The following CASZ1 variants were observed in gnomAD, a reference collection of about 807,000 sequenced individuals.
CASZ1 encodes castor zinc finger 1.
CASZ1 carries 28 observed loss-of-function variants against 135.2 expected under a neutral mutation model. The ratio of observed to expected loss-of-function variants is 0.21; its 90% CI spans 0.15 to 0.28. The LOEUF (loss-of-function observed/expected upper bound fraction) is 0.28, where lower values mean the gene tolerates loss of function less well. CASZ1 is among the 10% of genes least tolerant of loss of function. The pLI is 1.00. For missense variants in CASZ1, 2,161 were observed against 2,453.3 expected, an observed-to-expected ratio of 0.88 and a Z score of 2.52; for synonymous variants, 1,068 against 1,073.4, an observed-to-expected ratio of 0.99 and a Z score of 0.10.
Position 10,654,446 on chromosome 1 carries a change from C to A in CASZ1, c.1811G>T (p.Gly604Val). ...GCAGTGGAAGTGCGTGGTCTTCTGT[C>A]CGTAGAACTGGCAGTCGGCTGTGCC... is the stretch of plus-strand genomic sequence containing the variant. ...DCGTADCQFY[G>V]QKTTHFHCRR... Residue 604 changes from glycine to valine, a missense_variant, in exon 10 of 21, where the codon GGA becomes GTA. By Grantham distance (109) the Gly-to-Val change is moderately radical. Around this residue, in one of 7 missense-constraint regions of CASZ1, gnomAD observed 248 missense variants for 410.8 expected, o/e 0.60. Transcript: ENST00000377022. 6.2e-7 allele frequency: 1 copy of A among 1,614,168 alleles called. No individual in the cohort carries two copies. The highest frequency in any genetic ancestry group is 1.1e-5 in the South Asian group (1 of 91,080).
chr1:10,669,535 C>CCGTAGG (rs1643341020), intron 4 of CASZ1, among the ~76,000 whole-genome samples: 1 of 152,244 alleles, frequency 6.6e-6, no homozygotes, highest in Admixed American at 6.5e-5. Flanking sequence ...ATCACCCCCT[C>CCGTAGG]CGTAGGCGGG....
At chr1:10,662,688 A>G (rs1338399072) in intron 5 of CASZ1, among the ~76,000 whole-genome samples, 1 of 152,058 alleles carries the variant, frequency 6.6e-6, no homozygotes, top group African/African-American at 2.4e-5. Context: ...CTCACATAAA[A>G]CACACATACC....
chr1:10,786,446 G>A (rs773265275), intron 1 of CASZ1, among the ~76,000 whole-genome samples: 2 of 152,086 alleles, frequency 1.3e-5, no homozygotes, highest in Non-Finnish European at 2.9e-5. Flanking sequence ...CCTGCACTAG[G>A]GGCCCAGCTC....
chr1:10,654,569 G>T lies in CASZ1; in HGVS notation c.1688C>A (p.Thr563Lys). 6.2e-7 allele frequency: 1 copy of T among 1,614,208 alleles called. No individual in the cohort carries two copies. The highest frequency in any genetic ancestry group is 8.5e-7 in the Non-Finnish European group (1 of 1,180,016). ...CMQVGCNKVY[T>K]STSDVMTHEN... ...GTGGGTCATCACGTCAGACGTGCTCGTGTACACCTTGTTACAGCCCACCTG... is the reference window on the plus strand; with the variant it reads ...GTGGGTCATCACGTCAGACGTGCTCTTGTACACCTTGTTACAGCCCACCTG... The change falls in exon 10 of 21, where the codon ACG (threonine) becomes AAG (lysine). Residue 563 changes from threonine to lysine, a missense_variant. Transcript: ENST00000377022.
At chr1:10,733,110 A>G (rs906744924) in intron 2 of CASZ1, among the ~76,000 whole-genome samples, 1 of 152,162 alleles carries the variant, frequency 6.6e-6, no homozygotes, top group African/African-American at 2.4e-5. Flanking sequence ...AGGGGAAGAC[A>G]TTTGAAAACT....
At chr1:10,670,954 G>A (rs1643379346) in intron 4 of CASZ1, among the ~76,000 whole-genome samples, 1 of 152,206 alleles carries the variant, frequency 6.6e-6, no homozygotes, top group Admixed American at 6.5e-5. Context: ...GGGAGGAATG[G>A]TTGCTGCTCC....
Position 10,646,249 on chromosome 1 carries a change from A to G in CASZ1, c.3575T>C (p.Val1192Ala). Residue 1192 changes from valine (V) to alanine (A), a missense_variant, in exon 17 of 21, where the codon GTC (valine) becomes GCC (alanine). This residue lies in a region of CASZ1 where 349 missense variants were observed against 460.8 expected (regional missense o/e 0.76). Coordinates refer to ENST00000377022, the MANE Select transcript of CASZ1 (RefSeq NM_001079843.3). The surrounding 1 kb of genome is among the most constrained non-coding windows in gnomAD (Gnocchi z 6.4). ...TTCGGCCTTGCCAGACGTTTTGCAG[A>G]CGTACTTGCAGTTCCCAAAGAGACA... ...FHCLFGNCKYVCKTSGKAESH... is the reference protein window; with the variant it reads ...FHCLFGNCKYACKTSGKAESH... 1 of 1,614,140 alleles carries G rather than the reference A, an allele frequency of 6.2e-7. No individual in the cohort carries two copies. The highest frequency in any genetic ancestry group is 8.5e-7 in the Non-Finnish European group (1 of 1,180,024).
chr1:10,789,988 T>G (rs1292700), intron 1 of CASZ1, among the ~76,000 whole-genome samples: 99,485 of 151,846 alleles, frequency 0.66, 33,934 homozygotes, highest in Non-Finnish European at 0.76. Context: ...GGGCCCGAGG[T>G]GGGGGTGCCC....
intron 2 of CASZ1, among the ~76,000 whole-genome samples, chr1:10,733,150 G>A (rs189299786): frequency 6.6e-6 from 1 of 152,140 alleles, no homozygotes; most frequent in African/African-American, 2.4e-5. Flanking sequence ...GAAAGAAAGA[G>A]GGCAGGCCAG....
At position 10,700,120 on chromosome 1, in the gene CASZ1, G is replaced by C. The variant is rs1038940190; in HGVS notation, c.-24+5372C>G. On this transcript the variant is annotated intron_variant, in intron 3 of 20. Coordinates refer to ENST00000377022, the MANE Select transcript of CASZ1 (RefSeq NM_001079843.3). This position sits in a 1 kb window ranked among gnomAD's most constrained non-coding sequence, Gnocchi z 4.2. Reference sequence around the variant, plus strand: ...ACACACACACACACACACACACAGAGTATGAAGCAGGGACCTGGGCTAGTT... The same window carrying C: ...ACACACACACACACACACACACAGACTATGAAGCAGGGACCTGGGCTAGTT... Among the ~76,000 whole-genome samples the C allele has an allele frequency of 4.2e-3, 301 of 71,830 alleles. 2 individuals are homozygous for C. Among genetic ancestry groups the C allele is most frequent in the African/African-American group, 0.019 (286 of 15,096 alleles). 47.1% of individuals were successfully genotyped at this position (71,830 alleles called of 152,430 possible).
At position 10,794,285 on chromosome 1, in the gene CASZ1, G is replaced by A. The variant is rs1285808437; in HGVS notation, c.-234+2279C>T. ...TCCAGTCCCCTCGTGCGCTCTCACC[G>A]CGCGCCTGTACCAGCTCGGAGACGT... On this transcript the variant is annotated intron_variant, in intron 1 of 20. Coordinates refer to ENST00000377022, the MANE Select transcript of CASZ1 (RefSeq NM_001079843.3). The surrounding 1 kb of genome is among the most constrained non-coding windows in gnomAD (Gnocchi z 5.6). Among the ~76,000 whole-genome samples the A allele has an allele frequency of 6.6e-6, 1 of 152,080 alleles. No homozygotes were observed. The highest frequency in any genetic ancestry group is 1.5e-5 in the Non-Finnish European group (1 of 68,018).
Position 10,665,525 on chromosome 1 carries a change from C to A in CASZ1, c.63G>T (p.Met21Ile). The change falls in exon 5 of 21, where the codon ATG becomes ATT. Residue 21 changes from methionine to isoleucine, a missense_variant. Transcript: ENST00000377022. ...CTDPPAGKPA[M>I]APKRKGGLKL... is the part of the protein sequence containing the mutation. ...TCAGGCCACCCTTGCGTTTGGGCGC[C>A]ATGGCGGGCTTGCCTGCAGGCGGGT... 1 of 1,596,758 alleles carries A rather than the reference C, an allele frequency of 6.3e-7. No homozygotes were observed. The highest frequency in any genetic ancestry group is 8.5e-7 in the Non-Finnish European group (1 of 1,176,734).
Position 10,756,746 on chromosome 1 carries a change from G to A in CASZ1, c.-77+3955C>T, listed in dbSNP as rs1196008653. Among the ~76,000 whole-genome samples the A allele has an allele frequency of 6.6e-6, 1 of 152,178 alleles. No individual in the cohort carries two copies. Among genetic ancestry groups the A allele is most frequent in the Non-Finnish European group, 1.5e-5 (1 of 68,028 alleles). On this transcript the variant is annotated intron_variant, in intron 2 of 20. Coordinates refer to ENST00000377022, the MANE Select transcript of CASZ1 (RefSeq NM_001079843.3). The surrounding 1 kb of genome is among the most constrained non-coding windows in gnomAD (Gnocchi z 5.9). ...TGGCGACACTATTAGGATCCCTGCC[G>A]ATGAGCAGATGAGCAGCGGCTGGAG...
intron 1 of CASZ1, among the ~76,000 whole-genome samples, chr1:10,775,606 GATCTCTTCAATCTTCAGCC>G (rs1640647900): frequency 6.6e-6 from 1 of 152,120 alleles, no homozygotes. Flanking sequence ...ATGCTCCGAT[GATCTCTTCAATCTTCAGCC>G]CCTTTCAAGG....
rs72470188 is a variant in CASZ1 at position 10,744,324 on chromosome 1, G to A, written c.-77+16377C>T. ...AGACTTCTTGGGGGTGGGGTGGGGG[G>A]CATTAGCAGAAGAGAGACACGGCAC... On this transcript the variant is annotated intron_variant, in intron 2 of 20. Coordinates refer to ENST00000377022, the MANE Select transcript of CASZ1 (RefSeq NM_001079843.3). 2.2e-3 allele frequency among the ~76,000 whole-genome samples: 327 copies of A among 151,994 alleles called. 16 individuals carry two copies. The East Asian group carries it at 0.059, about 27-fold the overall frequency.
intron 4 of CASZ1, among the ~76,000 whole-genome samples, chr1:10,693,622 C>G (rs886380787): frequency 7.9e-5 from 12 of 152,082 alleles, no homozygotes; most frequent in Admixed American, 3.3e-4. Flanking sequence ...TGCCCCCCAG[C>G]TCCTGCTCCT....
intron 4 of CASZ1, among the ~76,000 whole-genome samples, chr1:10,689,270 C>A (rs935908076): frequency 6.6e-6 from 1 of 152,252 alleles, no homozygotes; most frequent in Non-Finnish European, 1.5e-5. Context: ...GCTCAGGCAG[C>A]GGGCACGGCC....
chr1:10,766,825 C>T (rs1220343243), intron 1 of CASZ1, among the ~76,000 whole-genome samples: 2 of 152,222 alleles, frequency 1.3e-5, no homozygotes, highest in African/African-American at 4.8e-5. Context: ...AGATGGTTCT[C>T]TCAACTGGCG....
intron 2 of CASZ1, among the ~76,000 whole-genome samples, chr1:10,744,162 G>A (rs72860191): frequency 0.12 from 17,391 of 147,538 alleles, 1,744 homozygotes; most frequent in African/African-American, 0.26. Context: ...CTCCCCACCC[G>A]TAAAAACAGC....
Sources: allele counts gnomAD v4.1 joint callset (sites outside exome capture counted in the v4.1 genomes callset), GRCh38; gene constraint gnomAD v4.1.1; regional missense constraint gnomAD v4.1.1; non-coding constraint Gnocchi (gnomAD v3.1); transcripts MANE v1.5; gene names NCBI Gene and HGNC (gene_info 2026-07-23, HGNC 2026-07-21).